Variants in PDE1A observed in about 807,000 individuals in gnomAD.
The protein encoded by PDE1A is phosphodiesterase 1A, also known as dual specificity calcium/calmodulin-dependent 3',5'-cyclic nucleotide phosphodiesterase 1A.
A neutral mutation model predicts 61.7 loss-of-function variants in PDE1A; 35 were observed. The ratio of observed to expected loss-of-function variants is 0.57; its 90% CI spans 0.43 to 0.75. PDE1A has a LOEUF of 0.75. PDE1A is among the 30% of genes least tolerant of loss of function. The pLI, the probability that PDE1A is intolerant of heterozygous loss-of-function variation, is 0.00. For missense variants in PDE1A, 597 were observed against 630.6 expected (o/e 0.95, Z 0.57); for synonymous variants, 232 against 213.2 (o/e 1.09, Z -0.77).
chr2:182,503,072 CAT>C (rs71008226), intron 2 of PDE1A, among the ~76,000 whole-genome samples: 1,434 of 20,870 alleles, frequency 0.069, 27 homozygotes, highest in South Asian at 0.35. Flanking sequence ...CACACACACA[CAT>C]ACACACACAC....
At chr2:182,295,982 T>C (rs1192079246) in intron 1 of PDE1A, among the ~76,000 whole-genome samples, 2 of 152,262 alleles carry the variant, frequency 1.3e-5, no homozygotes, top group East Asian at 3.9e-4. Context: ...TTAACTTAAA[T>C]AGTGGGAATG....
the PDE1A span, among the ~76,000 whole-genome samples, chr2:182,634,314 G>C: frequency 6.6e-6 from 1 of 152,050 alleles, no homozygotes; most frequent in Admixed American, 6.6e-5. Context: ...GATGAGTTTT[G>C]AACTATGTCT....
At chr2:182,169,929 C>CACAA (rs1413382031) in intron 13 of PDE1A, among the ~76,000 whole-genome samples, 1 of 117,630 alleles carries the variant, frequency 8.5e-6, no homozygotes, top group African/African-American at 2.9e-5. Flanking sequence ...CACGCACACA[C>CACAA]ACACACACAC....
chr2:182,215,879 C>G (rs1441394591), intron 7 of PDE1A, among the ~76,000 whole-genome samples: 184 of 108,374 alleles, frequency 1.7e-3, no homozygotes, highest in African/African-American at 6.9e-3. Flanking sequence ...CTATTCCAAT[C>G]AATAGAAAAA....
chr2:182,386,425 G>C (rs546568003), intron 1 of PDE1A, among the ~76,000 whole-genome samples: 5 of 148,760 alleles, frequency 3.4e-5, no homozygotes, highest in Admixed American at 6.7e-5. Context: ...GCTGCCCATC[G>C]TCTGAGATGT....
At chr2:182,334,159 G>C (rs1697617683) in intron 1 of PDE1A, among the ~76,000 whole-genome samples, 1 of 152,002 alleles carries the variant, frequency 6.6e-6, no homozygotes, top group Non-Finnish European at 1.5e-5. Context: ...GTATGAAGAG[G>C]AGCTGGTACC....
chr2:182,586,790 A>C, the PDE1A span, among the ~76,000 whole-genome samples: 1 of 152,254 alleles, frequency 6.6e-6, no homozygotes, highest in South Asian at 2.1e-4. Flanking sequence ...TTATTCATGC[A>C]TTCATCCATT....
intron 1 of PDE1A, among the ~76,000 whole-genome samples, chr2:182,290,182 AT>A (rs1266388998): frequency 6.6e-6 from 1 of 152,134 alleles, no homozygotes; most frequent in Non-Finnish European, 1.5e-5. Flanking sequence ...AATTTTACAT[AT>A]TCTATAGCCT....
intron 1 of PDE1A, among the ~76,000 whole-genome samples, chr2:182,267,653 T>C (rs890154551): frequency 2.0e-5 from 3 of 152,174 alleles, no homozygotes; most frequent in African/African-American, 7.2e-5. Context: ...AATGGAATAA[T>C]TTATATTATT....
the PDE1A span, among the ~76,000 whole-genome samples, chr2:182,590,074 T>C: frequency 1.3e-5 from 2 of 152,350 alleles, no homozygotes; most frequent in East Asian, 1.9e-4. Context: ...TCTTCCATCA[T>C]ACATAACTCC....
At chr2:182,492,391 T>C (rs1473860237) in intron 2 of PDE1A, among the ~76,000 whole-genome samples, 1 of 152,220 alleles carries the variant, frequency 6.6e-6, no homozygotes, top group Non-Finnish European at 1.5e-5. Flanking sequence ...AGAAGCTCAG[T>C]ACATTTTATT....
At chr2:182,492,996 G>A (rs1325763786) in intron 2 of PDE1A, among the ~76,000 whole-genome samples, 2 of 150,280 alleles carry the variant, frequency 1.3e-5, no homozygotes. Flanking sequence ...AAAAAAAAAA[G>A]GGCAGGGACC....
rs117720130 is a variant in PDE1A, at chr2:182,499,920, C to A, written c.101+22356G>T. On this transcript the variant is annotated intron_variant, in intron 2 of 14. Coordinates refer to the PDE1A transcript ENST00000410103. The stretch of plus-strand genomic sequence containing the variant: ...CCCAGAATGAAAGCAAAGGGCAGTC[C>A]CAGGGGATGGCTGTGTCTCCAGCTT... Among the ~76,000 whole-genome samples the A allele has an allele frequency of 7.0e-4, 106 of 152,160 alleles. 2 individuals carry two copies. In the East Asian group the frequency reaches 0.019, roughly 27 times the overall value.
At chr2:182,234,473 C>T (rs1260550653) in exon 4 of PDE1A, 1 of 1,604,988 alleles carries the variant, frequency 6.2e-7, no homozygotes, top group Admixed American at 1.7e-5. Context: ...GCCAAACCAA[C>T]CATATGATAT....
intron 1 of PDE1A, among the ~76,000 whole-genome samples, chr2:182,364,824 C>A (rs2438288): frequency 6.6e-6 from 1 of 151,918 alleles, no homozygotes; most frequent in Admixed American, 6.6e-5. Context: ...TCAGTTAATA[C>A]AATGACATTT....
At chr2:182,246,571 T>G in intron 2 of PDE1A, among the ~76,000 whole-genome samples, 1 of 151,646 alleles carries the variant, frequency 6.6e-6, no homozygotes, top group Non-Finnish European at 1.5e-5. Flanking sequence ...CCAGCTAATT[T>G]TTTGTATTTT....
chr2:182,450,840 G>A (rs908644460), intron 2 of PDE1A, among the ~76,000 whole-genome samples: 4 of 151,882 alleles, frequency 2.6e-5, no homozygotes, highest in Admixed American at 2.6e-4. Context: ...ACTATAAAGG[G>A]AAAAAAGCAG....
chr2:182,470,061 A>C (rs1686930468), intron 2 of PDE1A, among the ~76,000 whole-genome samples: 1 of 151,890 alleles, frequency 6.6e-6, no homozygotes, highest in Non-Finnish European at 1.5e-5. Context: ...GAATTATCAG[A>C]ATGTGAGAAA....
chr2:182,575,393 G>A, the PDE1A span, among the ~76,000 whole-genome samples: 1 of 151,918 alleles, frequency 6.6e-6, no homozygotes, highest in African/African-American at 2.4e-5. Context: ...TTGACTTAAA[G>A]ATAGGAGGAG....
Sources: gnomAD v4.1 joint callset for allele counts (sites outside exome capture counted in the v4.1 genomes callset) on GRCh38, gnomAD v4.1.1 for gene constraint, MANE v1.5 for transcripts, NCBI Gene and HGNC (gene_info 2026-07-23, HGNC 2026-07-21) for gene names.